The following ZNF521 variants were observed in gnomAD, a reference collection of about 807,000 sequenced individuals.
ZNF521 encodes LYST-interacting protein 3.
In ZNF521, 14 loss-of-function variants were observed where a neutral mutation model predicts 105.5. The observed-to-expected ratio is 0.13, with a 90% CI of 0.09 to 0.21. The LOEUF (loss-of-function observed/expected upper bound fraction) is 0.21. Among genes scored for constraint, ZNF521 ranks in the 10% least tolerant of loss-of-function variants. The pLI is 1.00. For synonymous variants in ZNF521, 635 were observed against 606.0 expected, an observed-to-expected ratio of 1.05 and a Z score of -0.70; for missense variants, 1,233 against 1,629.7, an observed-to-expected ratio of 0.76 and a Z score of 4.19.
At position 25,224,978 on chromosome 18, in the gene ZNF521, C is replaced by A. The variant is rs187705938; in HGVS notation, c.2940G>T (p.Thr980=). 2.5e-6 allele frequency: 4 copies of A among 1,614,016 alleles called. No homozygotes were observed. The highest frequency in any genetic ancestry group is 2.5e-6 in the Non-Finnish European group (3 of 1,180,018). Residue 980 remains threonine (T), a synonymous_variant, in exon 4 of 8, where the codon ACG becomes ACT. Transcript: ENST00000361524. ...TTCCAGTATCAAGACTCTTACTATG[C>A]GTGACTTTGTGTTCAGTAAGAGTTA... The part of the protein sequence containing the change: ...SLLTLTEHKV[T]HSKSLDTGNC...
chr18:25,284,631 A>T (rs958200214), intron 3 of ZNF521, among the ~76,000 whole-genome samples: 1 of 152,192 alleles, frequency 6.6e-6, no homozygotes, highest in African/African-American at 2.4e-5. Context: ...GTTCGAAAGG[A>T]AAGTAGCAAC....
intron 3 of ZNF521, among the ~76,000 whole-genome samples, chr18:25,307,149 T>C (rs1284676140): frequency 2.0e-5 from 3 of 152,214 alleles, no homozygotes; most frequent in East Asian, 1.9e-4. Context: ...CTATGACCAC[T>C]GCACTGGTTT....
At chr18:25,304,182 CA>C (rs1482507054) in intron 3 of ZNF521, among the ~76,000 whole-genome samples, 1 of 152,184 alleles carries the variant, frequency 6.6e-6, no homozygotes, top group African/African-American at 2.4e-5. Context: ...CACTTCATGA[CA>C]TTTTAACAAA....
At chr18:25,341,225 A>G (rs185633763) in intron 2 of ZNF521, among the ~76,000 whole-genome samples, 16 of 152,302 alleles carry the variant, frequency 1.1e-4, no homozygotes, top group Admixed American at 8.5e-4. Context: ...CACACTATGG[A>G]CTTTTTAGTA....
At chr18:25,314,272 T>C (rs1020452458) in intron 3 of ZNF521, among the ~76,000 whole-genome samples, 3 of 152,186 alleles carry the variant, frequency 2.0e-5, no homozygotes, top group Non-Finnish European at 4.4e-5. Flanking sequence ...TCATCTCCCT[T>C]ATTCCCACTG....
intron 4 of ZNF521, among the ~76,000 whole-genome samples, chr18:25,203,899 G>A (rs1159524383): frequency 6.6e-6 from 1 of 152,170 alleles, no homozygotes; most frequent in Non-Finnish European, 1.5e-5. Flanking sequence ...CCCCTGGTGG[G>A]AGGTATTTGG....
At chr18:25,269,086 T>C (rs1909464376) in intron 3 of ZNF521, among the ~76,000 whole-genome samples, 1 of 149,762 alleles carries the variant, frequency 6.7e-6, no homozygotes, top group Non-Finnish European at 1.5e-5. Flanking sequence ...TGGAGGAATA[T>C]TTACCAAGCA....
At chr18:25,137,046 A>G (rs1361998323) in intron 5 of ZNF521, among the ~76,000 whole-genome samples, 1 of 152,172 alleles carries the variant, frequency 6.6e-6, no homozygotes, top group African/African-American at 2.4e-5. Context: ...GTCTCGCCAC[A>G]CCACAGTCCA....
At chr18:25,141,307 A>G (rs2034843215) in intron 5 of ZNF521, among the ~76,000 whole-genome samples, 1 of 152,224 alleles carries the variant, frequency 6.6e-6, no homozygotes, top group Non-Finnish European at 1.5e-5. Flanking sequence ...CTGGCTGTTT[A>G]TATGTGATGT....
At chr18:25,119,568 A>C (rs2034394083) in intron 5 of ZNF521, among the ~76,000 whole-genome samples, 1 of 152,138 alleles carries the variant, frequency 6.6e-6, no homozygotes, top group Non-Finnish European at 1.5e-5. Flanking sequence ...TTAAAATTAA[A>C]AAAATAATCC....
chr18:25,106,975 G>A (rs2034085366), intron 5 of ZNF521, among the ~76,000 whole-genome samples: 1 of 152,166 alleles, frequency 6.6e-6, no homozygotes, highest in Non-Finnish European at 1.5e-5. Flanking sequence ...GTACAGAAGA[G>A]ACAGTATTTA....
chr18:25,303,441 G>A (rs1157967193), intron 3 of ZNF521, among the ~76,000 whole-genome samples: 1 of 151,934 alleles, frequency 6.6e-6, no homozygotes, highest in African/African-American at 2.4e-5. Flanking sequence ...GGGACTACAG[G>A]TGCCCGCCAC....
At chr18:25,286,696 A>G (rs574970659) in intron 3 of ZNF521, among the ~76,000 whole-genome samples, 1 of 152,220 alleles carries the variant, frequency 6.6e-6, no homozygotes, top group South Asian at 2.1e-4. Flanking sequence ...ACAACTAAAC[A>G]CCATTTGGGT....
chr18:25,349,123 C>A (rs1281129198), intron 2 of ZNF521, among the ~76,000 whole-genome samples: 2 of 152,052 alleles, frequency 1.3e-5, no homozygotes, highest in Non-Finnish European at 2.9e-5. Context: ...CTTCTTGGAG[C>A]CCTTTCCACC....
intron 3 of ZNF521, among the ~76,000 whole-genome samples, chr18:25,294,584 C>CAAG (rs1188709740): frequency 1.3e-5 from 2 of 152,086 alleles, no homozygotes; most frequent in African/African-American, 2.4e-5. Context: ...CTGCCAGGTG[C>CAAG]AGTGGCTCAT....
At chr18:25,321,866 T>C (rs1297842358) in intron 3 of ZNF521, 142 bp downstream of exon 3, 7 of 794,044 alleles carry the variant, frequency 8.8e-6, no homozygotes, top group Non-Finnish European at 1.3e-5. Flanking sequence ...CTCAGAATTC[T>C]TTCAAAAGCA....
intron 2 of ZNF521, among the ~76,000 whole-genome samples, chr18:25,328,447 ACG>A (rs1342920195): frequency 3.5e-5 from 5 of 143,706 alleles, no homozygotes; most frequent in Non-Finnish European, 6.2e-5. Flanking sequence ...ACACACACAC[ACG>A]CATTCACTTT....
At chr18:25,195,134 G>A (rs944529279) in intron 5 of ZNF521, 26 bp downstream of exon 5, 13 of 1,527,780 alleles carry the variant, frequency 8.5e-6, no homozygotes, top group Non-Finnish European at 1.2e-5. Context: ...ACATCTATCT[G>A]TAATAAGGTT....
chr18:25,331,449 A>G (rs1913560161), intron 2 of ZNF521, among the ~76,000 whole-genome samples: 1 of 152,176 alleles, frequency 6.6e-6, no homozygotes, highest in Non-Finnish European at 1.5e-5. Context: ...AATAAAACCA[A>G]TTTTTGAACC....
Sources: gnomAD v4.1 joint callset for allele counts (sites outside exome capture counted in the v4.1 genomes callset) on GRCh38, gnomAD v4.1.1 for gene constraint, MANE v1.5 for transcripts, NCBI Gene and HGNC (gene_info 2026-07-23, HGNC 2026-07-21) for gene names.